ATXN2: variants seen among roughly 807,000 people sequenced by gnomAD.
The protein encoded by ATXN2 is ataxin 2.
ATXN2 carries 37 observed loss-of-function variants against 138.6 expected under a neutral mutation model. That is an observed-to-expected ratio of 0.27 (90% CI 0.21 to 0.35). The LOEUF (loss-of-function observed/expected upper bound fraction) is 0.35. ATXN2 is among the 10% of genes least tolerant of loss of function. The probability of loss-of-function intolerance (pLI) is 1.00; values close to 1 mark genes in which losing one functional copy is unlikely to be tolerated. For synonymous variants in ATXN2, 549 were observed against 543.7 expected (o/e 1.01, Z -0.13); for missense variants, 1,216 against 1,480.3 (o/e 0.82, Z 2.93).
rs539685628 is a variant in ATXN2 at position 111,520,187 on chromosome 12, G to GAAACTA, written c.789-117_789-112dup. On this transcript the variant is annotated intron_variant, in intron 7 of 24. Coordinates refer to ENST00000673436, the MANE Select transcript of ATXN2 (RefSeq NM_001372574.1). Reference sequence around the variant, plus strand: ...AGAGTTTAGAATACTGGTAAAAACAGAAACTAAAACTAAAACTAAAACTAA... The same window carrying GAAACTA: ...AGAGTTTAGAATACTGGTAAAAACAGAAACTAAAACTAAAACTAAAACTAAAACTAA... 2.5e-4 allele frequency: 332 copies of GAAACTA among 1,344,460 alleles called. 1 individual carries two copies. In the African/African-American group the frequency reaches 3.9e-3, roughly 16 times the overall value. The allele number at this position is 1,344,460 out of a possible 1,614,324, so 83.3% of individuals were successfully genotyped here.
intron 1 of ATXN2, among the ~76,000 whole-genome samples, chr12:111,590,056 A>T (rs1027326443): frequency 1.3e-5 from 2 of 151,438 alleles, no homozygotes; most frequent in African/African-American, 4.8e-5. Context: ...CTAAAAAAAA[A>T]TACAAAAATT....
At chr12:111,546,224 A>G (rs1298171365) in intron 5 of ATXN2, among the ~76,000 whole-genome samples, 1 of 152,242 alleles carries the variant, frequency 6.6e-6, no homozygotes, top group Non-Finnish European at 1.5e-5. Flanking sequence ...GACAGAGCAC[A>G]TTCTGTTACT....
chr12:111,514,758 G>A (rs982546927), intron 10 of ATXN2, among the ~76,000 whole-genome samples: 2 of 152,172 alleles, frequency 1.3e-5, no homozygotes, highest in Non-Finnish European at 2.9e-5. Context: ...AAAGTGCTGA[G>A]ATTACAGGCG....
intron 5 of ATXN2, among the ~76,000 whole-genome samples, chr12:111,544,466 T>G (rs1881699083): frequency 2.6e-5 from 4 of 152,202 alleles, no homozygotes; most frequent in African/African-American, 9.6e-5. Context: ...AAAGACAGTA[T>G]CACTGTCTTT....
At chr12:111,486,918 T>A in intron 15 of ATXN2, 94 bp from the exon 16 acceptor site, 1 of 1,045,690 alleles carries the variant, frequency 9.6e-7, no homozygotes, top group Non-Finnish European at 1.4e-6. Flanking sequence ...TTGCTAAATA[T>A]AGATTTAAAC....
At chr12:111,455,239 G>A (rs1874990067) in intron 23 of ATXN2, 4 of 665,580 alleles carry the variant, frequency 6.0e-6, no homozygotes, top group Non-Finnish European at 5.6e-6. Flanking sequence ...CAGCCCCAGG[G>A]AGGGCCTCAA....
chr12:111,494,191 A>G (rs958316942), intron 14 of ATXN2, among the ~76,000 whole-genome samples: 5 of 152,132 alleles, frequency 3.3e-5, no homozygotes, highest in South Asian at 2.1e-4. Flanking sequence ...CAGCCTCCCA[A>G]AGTGCTGGGA....
intron 14 of ATXN2, among the ~76,000 whole-genome samples, chr12:111,506,919 G>A (rs1879160970): frequency 6.6e-6 from 1 of 152,144 alleles, no homozygotes; most frequent in Non-Finnish European, 1.5e-5. Flanking sequence ...GCCAGCCTCG[G>A]CCTCCCGAGG....
At position 111,599,137 on chromosome 12, in the gene ATXN2, C is replaced by T; in HGVS notation, c.-103G>A. On this transcript the variant is annotated 5_prime_UTR_variant, in exon 1 of 25. Coordinates refer to ENST00000673436, the MANE Select transcript of ATXN2 (RefSeq NM_001372574.1). The stretch of plus-strand genomic sequence containing the variant: ...GCGGCGGGGACGCGCGGGCGCCGAG[C>T]GGGGAGGCGCGGGTTGGCGCGGCCG... 8.2e-7 allele frequency: 1 copy of T among 1,216,364 alleles called. No homozygotes were observed. The highest frequency in any genetic ancestry group is 1.6e-5 in the African/African-American group (1 of 62,978). The allele number at this position is 1,216,364 out of a possible 1,614,324, so 75.3% of individuals were successfully genotyped here. A position where few individuals can be genotyped will look rare whatever the true frequency, so the allele number is the denominator to read the frequency against.
intron 14 of ATXN2, among the ~76,000 whole-genome samples, chr12:111,496,323 G>C (rs981654528): frequency 6.6e-6 from 1 of 152,116 alleles, no homozygotes; most frequent in Non-Finnish European, 1.5e-5. Context: ...TCTGAGGTCA[G>C]GAGTTCGAGA....
In ATXN2 at chr12:111,516,131, A is replaced by T; in HGVS notation, c.1375+23T>A. ...GAGTTAAACAAAGACAAACAAAAACATGAACAAATTGTGGTATTGTACCTT... is the reference window on the plus strand; with the variant it reads ...GAGTTAAACAAAGACAAACAAAAACTTGAACAAATTGTGGTATTGTACCTT... On this transcript the variant is annotated intron_variant, in intron 10 of 24. Transcript: ENST00000673436. This position sits in a 1 kb window ranked among gnomAD's most constrained non-coding sequence, Gnocchi z 5.0. The T allele has an allele frequency of 6.3e-7, 1 of 1,581,632 alleles. No individual in the cohort carries two copies.
chr12:111,569,352 T>C (rs1365683372), intron 1 of ATXN2, among the ~76,000 whole-genome samples: 1 of 152,206 alleles, frequency 6.6e-6, no homozygotes, highest in Non-Finnish European at 1.5e-5. Context: ...CTTAAAACAG[T>C]GCCTGGTATG....
chr12:111,533,836 A>C (rs1566048160), intron 5 of ATXN2, among the ~76,000 whole-genome samples: 1 of 152,076 alleles, frequency 6.6e-6, no homozygotes, highest in Non-Finnish European at 1.5e-5. Flanking sequence ...TATTTCCCAT[A>C]TATTTTGGAT....
At position 111,557,090 on chromosome 12, in the gene ATXN2, C is replaced by T. The variant is rs148283877; in HGVS notation, c.252-1171G>A. Among the ~76,000 whole-genome samples the T allele has an allele frequency of 7.2e-4, 109 of 152,212 alleles. 1 individual carries two copies. The highest frequency in any genetic ancestry group is 6.0e-3 in the Admixed American group (92 of 15,268). ...GCTTATTCCACTGAAAAAGATTAGG[C>T]CCCTTAGAATAATTAAAAAACATCA... On this transcript the variant is annotated intron_variant, in intron 1 of 24. Coordinates refer to ENST00000673436, the MANE Select transcript of ATXN2 (RefSeq NM_001372574.1).
In ATXN2 at chr12:111,453,624, G is replaced by C; in HGVS notation, c.3439+53C>G. On this transcript the variant is annotated intron_variant, in intron 24 of 24. Coordinates refer to ENST00000673436, the MANE Select transcript of ATXN2 (RefSeq NM_001372574.1). The surrounding 1 kb of genome is among the most constrained non-coding windows in gnomAD (Gnocchi z 5.4). The stretch of plus-strand genomic sequence containing the variant: ...TGGCCCTGCCTGCCATTCCACCTGT[G>C]CGAGCAGAATGCTTTGGGGTGCCCC... The C allele has an allele frequency of 6.7e-7, 1 of 1,484,388 alleles. No homozygotes were observed. The highest frequency in any genetic ancestry group is 9.0e-7 in the Non-Finnish European group (1 of 1,113,266). The allele number at this position is 1,484,388 out of a possible 1,614,324, so 92.0% of individuals were successfully genotyped here. A position where few individuals can be genotyped will look rare whatever the true frequency, so the allele number is the denominator to read the frequency against.
At chr12:111,592,663 G>C (rs982266207) in intron 1 of ATXN2, among the ~76,000 whole-genome samples, 1 of 149,060 alleles carries the variant, frequency 6.7e-6, no homozygotes, top group Non-Finnish European at 1.5e-5. Flanking sequence ...TGCGCATGTA[G>C]ACCCAGCTAC....
chr12:111,596,777 T>C (rs747775853), intron 1 of ATXN2, among the ~76,000 whole-genome samples: 1 of 152,224 alleles, frequency 6.6e-6, no homozygotes, highest in Admixed American at 6.5e-5. Context: ...CTTAAATTGT[T>C]GTAAAGCCTC....
At chr12:111,464,887 A>G (rs1190387591) in intron 20 of ATXN2, among the ~76,000 whole-genome samples, 172 bp from the exon 21 acceptor site, 1 of 152,240 alleles carries the variant, frequency 6.6e-6, no homozygotes, top group Non-Finnish European at 1.5e-5. Flanking sequence ...AAAGGACTAA[A>G]CCGGAAGACA....
At chr12:111,462,202 T>C (rs999594451) in intron 21 of ATXN2, among the ~76,000 whole-genome samples, 13 of 152,244 alleles carry the variant, frequency 8.5e-5, no homozygotes, top group African/African-American at 2.9e-4. Flanking sequence ...CAAAGACATA[T>C]GCTTCTTTGG....
Sources: gnomAD v4.1 joint callset for allele counts (sites outside exome capture counted in the v4.1 genomes callset) on GRCh38, gnomAD v4.1.1 for gene constraint, Gnocchi (gnomAD v3.1) non-coding constraint, MANE v1.5 for transcripts, NCBI Gene and HGNC (gene_info 2026-07-23, HGNC 2026-07-21) for gene names.